S100Z: variants seen among roughly 807,000 people sequenced by gnomAD.
S100Z encodes the protein protein S100-Z.
Under a neutral mutation model 8.5 loss-of-function variants are expected in S100Z, and 11 were observed. The observed-to-expected ratio is 1.30, with a 90% CI of 0.82 to 2.15. S100Z has a LOEUF of 2.15. S100Z is among the 30% of genes most tolerant of loss of function. The pLI is 0.00. For missense variants in S100Z, 126 were observed against 117.9 expected, an observed-to-expected ratio of 1.07 and a Z score of -0.32; for synonymous variants, 34 against 43.8, an observed-to-expected ratio of 0.78 and a Z score of 0.89.
chr5:76,895,246 A>G (rs939548071), intron 4 of S100Z, among the ~76,000 whole-genome samples: 2 of 152,210 alleles, frequency 1.3e-5, no homozygotes, highest in Non-Finnish European at 2.9e-5. Flanking sequence ...AAACTTGTTT[A>G]CGGTACAAGT....
chr5:76,942,474 G>T, the S100Z span, among the ~76,000 whole-genome samples: 62 of 143,066 alleles, frequency 4.3e-4, no homozygotes, highest in African/African-American at 1.5e-3. Flanking sequence ...AATATTAAAT[G>T]ACTGTCTTCT....
intron 4 of S100Z, among the ~76,000 whole-genome samples, chr5:76,894,244 C>G (rs996516892): frequency 2.6e-5 from 4 of 152,210 alleles, no homozygotes; most frequent in African/African-American, 9.6e-5. Context: ...ACAAACTCAA[C>G]CAATTGTCAA....
intron 4 of S100Z, among the ~76,000 whole-genome samples, chr5:76,883,023 G>A (rs549387181): frequency 6.6e-6 from 1 of 152,276 alleles, no homozygotes; most frequent in Admixed American, 6.5e-5. Flanking sequence ...TTTTAGGACA[G>A]GTAAAATGGG....
At chr5:76,930,196 G>A in the S100Z span, among the ~76,000 whole-genome samples, 1 of 152,100 alleles carries the variant, frequency 6.6e-6, no homozygotes, top group Admixed American at 6.5e-5. Context: ...TCCTAAATTC[G>A]TCTGTGCTAC....
chr5:76,929,998 ACTT>A, the S100Z span, among the ~76,000 whole-genome samples: 1 of 152,198 alleles, frequency 6.6e-6, no homozygotes, highest in African/African-American at 2.4e-5. Context: ...GTTAATAAAA[ACTT>A]CTTGTGCATC....
intron 4 of S100Z, among the ~76,000 whole-genome samples, chr5:76,920,271 A>G (rs1744999185): frequency 6.6e-6 from 1 of 152,180 alleles, no homozygotes; most frequent in Non-Finnish European, 1.5e-5. Flanking sequence ...AGTTCTTTGC[A>G]TATTTTGGAT....
chr5:76,951,189 T>G, the S100Z span, among the ~76,000 whole-genome samples: 2 of 152,374 alleles, frequency 1.3e-5, no homozygotes, highest in African/African-American at 4.8e-5. Context: ...CTATGATGTT[T>G]GTAAAATCAG....
the S100Z span, among the ~76,000 whole-genome samples, chr5:76,945,361 G>A: frequency 4.6e-5 from 7 of 152,312 alleles, no homozygotes; most frequent in Admixed American, 3.9e-4. Flanking sequence ...CCCCCAGCCC[G>A]ACACCCATGA....
At chr5:76,884,805 C>T (rs188726880) in intron 4 of S100Z, among the ~76,000 whole-genome samples, 49 of 151,790 alleles carry the variant, frequency 3.2e-4, no homozygotes, top group African/African-American at 9.9e-4. Context: ...CTTGGCCTGG[C>T]GAGGAGCAGC....
chr5:76,862,553 C>T (rs1035368894), intron 1 of S100Z, among the ~76,000 whole-genome samples: 4 of 152,096 alleles, frequency 2.6e-5, no homozygotes, highest in African/African-American at 9.7e-5. Context: ...AATCCCAGCA[C>T]TTTGGGAGGC....
chr5:76,910,885 C>T (rs901353165), intron 4 of S100Z, among the ~76,000 whole-genome samples: 1 of 152,236 alleles, frequency 6.6e-6, no homozygotes, highest in Non-Finnish European at 1.5e-5. Flanking sequence ...CCAGTTGTTT[C>T]TCCCACCTCC....
At chr5:76,918,596 A>G (rs1229310498) in intron 4 of S100Z, among the ~76,000 whole-genome samples, 5 of 152,236 alleles carry the variant, frequency 3.3e-5, no homozygotes, top group Admixed American at 2.0e-4. Flanking sequence ...GAGTGCTCCC[A>G]TGTTATACCT....
At chr5:76,915,337 C>A (rs1441550523) in intron 4 of S100Z, among the ~76,000 whole-genome samples, 2 of 143,006 alleles carry the variant, frequency 1.4e-5, no homozygotes, top group East Asian at 4.1e-4. Flanking sequence ...GGCGTGATGG[C>A]TCACACCTGT....
rs1385600755 is a variant in S100Z, at chr5:76,871,068, G to C, written c.-57+784G>C. Among the ~76,000 whole-genome samples the C allele has an allele frequency of 2.0e-5, 3 of 152,138 alleles. No homozygotes were observed. The East Asian group carries it at 5.8e-4, about 29-fold the overall frequency. ...AACAACTGAATTCCAGGCCTTGATGGGAAGAGAGGTCAGACAGGCCTCATT... is the reference window on the plus strand; with the variant it reads ...AACAACTGAATTCCAGGCCTTGATGCGAAGAGAGGTCAGACAGGCCTCATT... On this transcript the variant is annotated intron_variant, in intron 2 of 4. Transcript: ENST00000317593.
At chr5:76,942,451 C>T in the S100Z span, among the ~76,000 whole-genome samples, 1 of 76,810 alleles carries the variant, frequency 1.3e-5, no homozygotes, top group Non-Finnish European at 2.9e-5. Flanking sequence ...AAAGCAAAAA[C>T]CTCTATTTCT....
At chr5:76,941,802 C>T in the S100Z span, among the ~76,000 whole-genome samples, 4 of 152,142 alleles carry the variant, frequency 2.6e-5, no homozygotes, top group African/African-American at 7.2e-5. Context: ...ATGCTCCCCC[C>T]CCTTGATGGC....
chr5:76,879,632 A>G (rs12519617), intron 4 of S100Z, among the ~76,000 whole-genome samples: 110,129 of 152,002 alleles, frequency 0.72, 40,973 homozygotes, highest in African/African-American at 0.89. Flanking sequence ...GTCATTTGTG[A>G]TCTTAAGCCA....
chr5:76,926,412 C>T (rs1012379501), downstream of S100Z, among the ~76,000 whole-genome samples: 1 of 151,886 alleles, frequency 6.6e-6, no homozygotes, highest in Non-Finnish European at 1.5e-5. Context: ...AGGTAATGGG[C>T]TTTGAGGAAA....
chr5:76,893,244 G>T (rs906983220), intron 4 of S100Z, among the ~76,000 whole-genome samples: 1 of 152,078 alleles, frequency 6.6e-6, no homozygotes, highest in Admixed American at 6.6e-5. Flanking sequence ...TTAAGGTATT[G>T]CTTTGTTTCT....
Sources: gnomAD v4.1 joint callset for allele counts (sites outside exome capture counted in the v4.1 genomes callset) on GRCh38, gnomAD v4.1.1 for gene constraint, MANE v1.5 for transcripts, NCBI Gene and HGNC (gene_info 2026-07-23, HGNC 2026-07-21) for gene names.